NRDE2: variants seen among roughly 807,000 people sequenced by gnomAD.
The protein encoded by NRDE2 is NRDE-2, necessary for RNA interference, domain containing.
Under a neutral mutation model 124.2 loss-of-function variants are expected in NRDE2, and 76 were observed. The ratio of observed to expected loss-of-function variants is 0.61; its 90% confidence interval spans 0.51 to 0.74. The LOEUF (loss-of-function observed/expected upper bound fraction) is 0.74, where lower values mean the gene tolerates loss of function less well. Among genes scored for constraint, NRDE2 ranks in the 30% least tolerant of loss-of-function variants. The probability of loss-of-function intolerance (pLI) is 0.00; values close to 1 mark genes in which losing one functional copy is unlikely to be tolerated. For synonymous variants in NRDE2, 489 were observed against 528.1 expected, an observed-to-expected ratio of 0.93 and a Z score of 1.01; for missense variants, 1,314 against 1,417.3, an observed-to-expected ratio of 0.93 and a Z score of 1.17.
chr14:90,308,188 C>G (rs576610686), intron 4 of NRDE2, among the ~76,000 whole-genome samples: 40 of 152,302 alleles, frequency 2.6e-4, no homozygotes, highest in South Asian at 2.3e-3. Context: ...AAATAACAAT[C>G]TATTCCAAAA....
At chr14:90,303,866 C>G (rs4904670) in intron 5 of NRDE2, 69 bp downstream of exon 5, 1,369,908 of 1,381,298 alleles carry the variant, frequency 0.99, 679,816 homozygotes, top group East Asian at 1. Flanking sequence ...AATTGCTGCA[C>G]AGTCCATCAG....
At chr14:90,323,879 C>CT (rs961682370) in intron 1 of NRDE2, among the ~76,000 whole-genome samples, 3 of 151,516 alleles carry the variant, frequency 2.0e-5, no homozygotes, top group Non-Finnish European at 4.4e-5. Context: ...ATCTGAGTCT[C>CT]TTTTTTTTTA....
In NRDE2 at chr14:90,273,658, A is replaced by G. The variant is rs538679397; in HGVS notation, c.*4678T>C. The G allele has an allele frequency of 6.5e-6, 1 of 152,850 alleles. No individual in the cohort carries two copies. The highest frequency in any genetic ancestry group is 1.9e-4 in the East Asian group (1 of 5,190). The allele number at this position is 152,850 out of a possible 1,614,324, so 9.5% of individuals were successfully genotyped here. Reference sequence around the variant, plus strand: ...TCCAGGCTAAAGTCTTGCTGTTGGCAGGACCGTTCCCTCTGGCGTCTCTAA... The same window carrying G: ...TCCAGGCTAAAGTCTTGCTGTTGGCGGGACCGTTCCCTCTGGCGTCTCTAA... On this transcript the variant is annotated 3_prime_UTR_variant, in exon 14 of 14. Transcript: ENST00000354366.
intron 11 of NRDE2, among the ~76,000 whole-genome samples, chr14:90,287,873 G>C (rs1892149713): frequency 6.6e-6 from 1 of 152,062 alleles, no homozygotes; most frequent in Non-Finnish European, 1.5e-5. Flanking sequence ...AATCCAGAAA[G>C]CTGCCACCTG....
At chr14:90,304,525 T>G in intron 4 of NRDE2, 143 bp from the exon 5 acceptor site, 1 of 608,118 alleles carries the variant, frequency 1.6e-6, no homozygotes, top group Non-Finnish European at 2.8e-6. Context: ...TGTTTCTATT[T>G]GGAGATACAC....
chr14:90,312,275 A>G, intron 4 of NRDE2, 119 bp downstream of exon 4: 1 of 931,710 alleles, frequency 1.1e-6, no homozygotes, highest in Non-Finnish European at 1.6e-6. Context: ...AATGCAATAA[A>G]TAAAACCCAA....
intron 8 of NRDE2, among the ~76,000 whole-genome samples, chr14:90,295,449 A>T (rs567025179): frequency 6.6e-6 from 1 of 152,336 alleles, no homozygotes; most frequent in Admixed American, 6.5e-5. Context: ...TGTATTTATC[A>T]CCTTCTTCTA....
chr14:90,301,189 T>A, intron 7 of NRDE2, 50 bp downstream of exon 7: 5 of 1,596,566 alleles, frequency 3.1e-6, no homozygotes, highest in South Asian at 1.1e-5. Context: ...CCCCTCTCCC[T>A]CCAGAGAAAG....
At position 90,288,907 on chromosome 14, in the gene NRDE2, A is replaced by G; in HGVS notation, c.2468T>C (p.Leu823Pro). ...RELKDSDLCE[L>P]SLLYAELEVE... ...CTCCAGCTCAGCATAGAGCAGACTGAGCTCACAGAGGTCAGAGTCTTTCAG... is the reference window on the plus strand; with the variant it reads ...CTCCAGCTCAGCATAGAGCAGACTGGGCTCACAGAGGTCAGAGTCTTTCAG... Residue 823 changes from leucine (L) to proline (P), a missense_variant, in exon 11 of 14, where the codon CTC (leucine) becomes CCC (proline). Coordinates refer to ENST00000354366, the MANE Select transcript of NRDE2 (RefSeq NM_017970.4). The G allele has an allele frequency of 6.2e-7, 1 of 1,613,960 alleles. No homozygotes were observed. Among genetic ancestry groups the G allele is most frequent in the Non-Finnish European group, 8.5e-7 (1 of 1,179,844 alleles).
chr14:90,292,921 T>C, intron 8 of NRDE2, 49 bp from the exon 9 acceptor site: 1 of 1,555,672 alleles, frequency 6.4e-7, no homozygotes, highest in Non-Finnish European at 8.8e-7. Context: ...AAAACCACCA[T>C]CGCCACTCAA....
chr14:90,307,644 G>T (rs896573611), intron 4 of NRDE2, among the ~76,000 whole-genome samples: 3 of 152,108 alleles, frequency 2.0e-5, no homozygotes, highest in Non-Finnish European at 4.4e-5. Context: ...GGGAGGCCAA[G>T]GTGGGCGGAT....
chr14:90,290,056 G>C (rs569873989), intron 10 of NRDE2, among the ~76,000 whole-genome samples, 165 bp downstream of exon 10: 1 of 152,244 alleles, frequency 6.6e-6, no homozygotes, highest in East Asian at 1.9e-4. Context: ...TCTTCACTGC[G>C]GACCCTCAGA....
rs1566677946 is a variant in NRDE2 at position 90,274,786 on chromosome 14, C to CCACACACACACA, written c.*3549_*3550insTGTGTGTGTGTG. 6.1e-5 allele frequency: 5 copies of CCACACACACACA among 81,564 alleles called. No homozygotes were observed. The highest frequency in any genetic ancestry group is 2.0e-4 in the African/African-American group (4 of 20,210). The allele number at this position is 81,564 out of a possible 1,614,324, so 5.1% of individuals were successfully genotyped here. ...ACAGTATAGCCCTTTAAATAGGGAA[C>CCACACACACACA]TACACACACACACACACACACACAC... On this transcript the variant is annotated 3_prime_UTR_variant, in exon 14 of 14. Coordinates refer to ENST00000354366, the MANE Select transcript of NRDE2 (RefSeq NM_017970.4).
chr14:90,316,768 T>C lies in NRDE2; in HGVS notation c.217A>G (p.Lys73Glu). Residue 73 changes from lysine (K) to glutamate (E), a missense_variant, in exon 3 of 14, where the codon AAA becomes GAA. Transcript: ENST00000354366. ...TTTCTACTTGTTTGTTTGAGCTTTT[T>C]GTTAGTGTCACTTTCATCTGAAGAC... The part of the protein sequence containing the change: ...SESSDESDTN[K>E]KLKQTSRKKK... The C allele has an allele frequency of 6.2e-7, 1 of 1,612,970 alleles. No individual in the cohort carries two copies. The highest frequency in any genetic ancestry group is 8.5e-7 in the Non-Finnish European group (1 of 1,179,916).
chr14:90,269,335 T>C lies in NRDE2; in HGVS notation c.*9001A>G. The C allele has an allele frequency of 1.9e-5, 28 of 1,447,374 alleles. No homozygotes were observed. Among genetic ancestry groups the C allele is most frequent in the Non-Finnish European group, 2.5e-5 (27 of 1,065,026 alleles). 89.7% of individuals were successfully genotyped at this position (1,447,374 alleles called of 1,614,324 possible). On this transcript the variant is annotated 3_prime_UTR_variant, in exon 14 of 14. Transcript: ENST00000354366. The stretch of plus-strand genomic sequence containing the variant: ...TTTTGTCACAATGAGGTCTTTGCTG[T>C]AATTCCCCTTGAGCAGGCGATCAGT...
intron 1 of NRDE2, among the ~76,000 whole-genome samples, chr14:90,322,267 A>C (rs1472936473): frequency 1.3e-5 from 2 of 152,146 alleles, no homozygotes; most frequent in Non-Finnish European, 2.9e-5. Context: ...GAAGTGGCAA[A>C]AGAAAAAATA....
intron 7 of NRDE2, among the ~76,000 whole-genome samples, chr14:90,299,790 G>C (rs1354205416): frequency 6.6e-6 from 1 of 152,080 alleles, no homozygotes; most frequent in African/African-American, 2.4e-5. Context: ...AGTGAAGAAA[G>C]AAAGTTTACT....
Position 90,331,875 on chromosome 14 carries a change from A to T in NRDE2, c.30T>A (p.Leu10=), listed in dbSNP as rs377202960. The change falls in exon 1 of 14, where the codon CTT becomes CTA. Residue 10 remains leucine (L), a synonymous_variant. Coordinates refer to ENST00000354366, the MANE Select transcript of NRDE2 (RefSeq NM_017970.4). ...AGCTCCCGCCATCGGGAGCCTCACT[A>T]AGCCCCGCAAAGGCTGGGAACAGCG... MALFPAFAG[L]SEAPDGGSSR... 1.9e-6 allele frequency: 3 copies of T among 1,613,986 alleles called. No homozygotes were observed. The African/African-American group carries it at 4.0e-5, about 22-fold the overall frequency.
intron 1 of NRDE2, among the ~76,000 whole-genome samples, chr14:90,327,726 C>T (rs8010028): frequency 0.29 from 43,816 of 152,098 alleles, 6,365 homozygotes; most frequent in South Asian, 0.34. Context: ...AGTATTTATC[C>T]CAGGCTAGGC....
Sources: gnomAD v4.1 joint callset for allele counts (sites outside exome capture counted in the v4.1 genomes callset) on GRCh38, gnomAD v4.1.1 for gene constraint, MANE v1.5 for transcripts, NCBI Gene and HGNC (gene_info 2026-07-23, HGNC 2026-07-21) for gene names.